MTOR: variants seen among roughly 807,000 people sequenced by gnomAD.
The protein encoded by MTOR is mechanistic target of rapamycin kinase.
MTOR carries 70 observed loss-of-function variants against 319.8 expected under a neutral mutation model. The observed-to-expected ratio is 0.22, with a 90% CI of 0.18 to 0.27. The LOEUF is 0.27. Among genes scored for constraint, MTOR ranks in the 10% least tolerant of loss-of-function variants. The pLI, the probability that MTOR is intolerant of heterozygous loss-of-function variation, is 1.00. For synonymous variants in MTOR, 1,183 were observed against 1,211.4 expected, an observed-to-expected ratio of 0.98 and a Z score of 0.49; for missense variants, 1,890 against 3,274.4, an observed-to-expected ratio of 0.58 and a Z score of 10.32.
intron 29 of MTOR, among the ~76,000 whole-genome samples, chr1:11,163,145 G>T (rs1644532000): frequency 6.6e-6 from 1 of 152,134 alleles, no homozygotes; most frequent in Admixed American, 6.5e-5. Flanking sequence ...CCTAGTCTCT[G>T]ATAAAACAGA....
rs114219335 is a variant in MTOR at position 11,210,989 on chromosome 1, A to C, written c.3562-83T>G. 3.5e-3 allele frequency: 2,687 copies of C among 769,632 alleles called. 71 individuals carry two copies. The African/African-American group carries it at 0.041, about 12-fold the overall frequency. The allele number at this position is 769,632 out of a possible 1,614,324, so 47.7% of individuals were successfully genotyped here. ...AGAGGAAAAAATATTATACAACTAC[A>C]TTATGACCATTTCTTCTGGGTTTGT... On this transcript the variant is annotated intron_variant, in intron 23 of 57. Coordinates refer to ENST00000361445, the MANE Select transcript of MTOR (RefSeq NM_004958.4).
chr1:11,226,837 T>C (rs1465409787), intron 19 of MTOR, among the ~76,000 whole-genome samples: 1 of 152,112 alleles, frequency 6.6e-6, no homozygotes, highest in Non-Finnish European at 1.5e-5. Context: ...ACTTATTACT[T>C]TTCCTTACTG....
chr1:11,230,901 C>G (rs778329468), intron 18 of MTOR, 24 bp downstream of exon 18: 15 of 1,613,094 alleles, frequency 9.3e-6, no homozygotes, highest in Non-Finnish European at 1.3e-5. Context: ...CTTGGCAAGT[C>G]TTTCATGGCT....
At chr1:11,136,471 G>A (rs1336483424) in intron 36 of MTOR, among the ~76,000 whole-genome samples, 4 of 152,088 alleles carry the variant, frequency 2.6e-5, no homozygotes, top group African/African-American at 9.7e-5. Flanking sequence ...AGTGATAAAT[G>A]TTCCTTTAAT....
At chr1:11,107,527 T>C in intron 57 of MTOR, 27 bp from the exon 58 acceptor site, 1 of 1,610,680 alleles carries the variant, frequency 6.2e-7, no homozygotes, top group Non-Finnish European at 8.5e-7. Context: ...AAAAGGAATA[T>C]TTTAATAATT....
chr1:11,155,353 G>A (rs1644284904), intron 30 of MTOR, among the ~76,000 whole-genome samples: 2 of 151,994 alleles, frequency 1.3e-5, no homozygotes, highest in Admixed American at 1.3e-4. Flanking sequence ...ATGGGGGTCA[G>A]GATATACTAC....
rs72871466 is a variant in MTOR, at chr1:11,157,608, C to T, written c.4330-317G>A. Among the ~76,000 whole-genome samples, 14,717 of 152,066 alleles carry T rather than the reference C, an allele frequency of 0.097. 1,201 individuals are homozygous for T. Among genetic ancestry groups the T allele is most frequent in the African/African-American group, 0.2 (8,355 of 41,432 alleles). The stretch of plus-strand genomic sequence containing the variant: ...CAGAACACACCAGGATGTGCGGACA[C>T]GAGGACAGGGGAAATCATTTAGGGA... On this transcript the variant is annotated intron_variant, in intron 29 of 57. Coordinates refer to ENST00000361445, the MANE Select transcript of MTOR (RefSeq NM_004958.4).
rs1402584500 is a variant in MTOR at position 11,150,181 on chromosome 1, A to G, written c.4515T>C (p.Asn1505=). 6.2e-6 allele frequency: 10 copies of G among 1,614,104 alleles called. No homozygotes were observed. Among genetic ancestry groups the G allele is most frequent in the Non-Finnish European group, 7.6e-6 (9 of 1,180,006 alleles). ...GGGCCATCTTGGCTTGGGTCTCATC[A>G]TTAACCAGGGTCCACTTTTCACAGC... ...QQCCEKWTLV[N]DETQAKMARM... is the part of the protein sequence containing the mutation. The change falls in exon 31 of 58, where the codon AAT becomes AAC. Residue 1505 remains asparagine, a synonymous_variant. Coordinates refer to ENST00000361445, the MANE Select transcript of MTOR (RefSeq NM_004958.4).
chr1:11,206,976 T>G (rs6683465), intron 25 of MTOR, among the ~76,000 whole-genome samples: 1,685 of 152,362 alleles, frequency 0.011, 34 homozygotes, highest in African/African-American at 0.038. Context: ...AAATGGTGAC[T>G]GAGGTGGCAA....
At chr1:11,243,064 C>T in intron 9 of MTOR, 50 bp downstream of exon 9, 1 of 1,603,022 alleles carries the variant, frequency 6.2e-7, no homozygotes, top group Non-Finnish European at 8.5e-7. Flanking sequence ...GAGCGTCCTT[C>T]CTCTCCAACC....
In MTOR at chr1:11,247,804, C is replaced by T. The variant is rs2100939552; in HGVS notation, c.1116+15G>A. Reference sequence around the variant, plus strand: ...GGAGCTTAGGAAAAGAGGGAAAGGGCCTCTCACCACTTACCTGATCAAATT... The same window carrying T: ...GGAGCTTAGGAAAAGAGGGAAAGGGTCTCTCACCACTTACCTGATCAAATT... On this transcript the variant is annotated intron_variant, in intron 7 of 57. Coordinates refer to ENST00000361445, the MANE Select transcript of MTOR (RefSeq NM_004958.4). 1 of 1,611,834 alleles carries T rather than the reference C, an allele frequency of 6.2e-7. No homozygotes were observed. The highest frequency in any genetic ancestry group is 8.5e-7 in the Non-Finnish European group (1 of 1,178,138).
chr1:11,129,029 TGAGAA>T lies in MTOR; in HGVS notation c.5715-83_5715-79del, dbSNP rs1303466620. On this transcript the variant is annotated intron_variant, in intron 40 of 57. Transcript: ENST00000361445. The surrounding 1 kb of genome is among the most constrained non-coding windows in gnomAD (Gnocchi z 4.7). ...GCCTGTTTTTCATCTCTAAGGCTCC[TGAGAA>T]GAGAGCTGGCAGGGACTCCAACCAG... 1.6e-6 allele frequency: 2 copies of T among 1,218,988 alleles called. No homozygotes were observed. The highest frequency in any genetic ancestry group is 1.5e-5 in the African/African-American group (1 of 66,880). The allele number at this position is 1,218,988 out of a possible 1,614,324, so 75.5% of individuals were successfully genotyped here.
At chr1:11,198,012 T>A (rs1327511562) in intron 28 of MTOR, among the ~76,000 whole-genome samples, 1 of 152,198 alleles carries the variant, frequency 6.6e-6, no homozygotes, top group Non-Finnish European at 1.5e-5. Context: ...TATGATTGTA[T>A]CAAATATGCG....
rs764740318 is a variant in MTOR at position 11,238,095 on chromosome 1, C to A, written c.2003-47G>T. ...TGAACATTTCCTCATGATCCCATCA[C>A]TCCAGCCCTTCCCAGCTTCTACCTC... On this transcript the variant is annotated intron_variant, in intron 12 of 57. Transcript: ENST00000361445. 3 of 1,583,140 alleles carry A rather than the reference C, an allele frequency of 1.9e-6. 1 individual carries two copies. In the South Asian group the frequency reaches 3.3e-5, roughly 18 times the overall value.
rs764242916 is a variant in MTOR at position 11,243,230 on chromosome 1, C to T, written c.1296G>A (p.Ala432=). 2.8e-5 allele frequency: 46 copies of T among 1,614,128 alleles called. No individual in the cohort carries two copies. The Admixed American group carries it at 5.5e-4, about 19-fold the overall frequency. Residue 432 remains alanine, a synonymous_variant, in exon 9 of 58, where the codon GCG becomes GCA. Coordinates refer to ENST00000361445, the MANE Select transcript of MTOR (RefSeq NM_004958.4). ...AAAGTAGCCCCAGGGCTTGGAAGGC[C>T]GCTGTACGTTCCTTCTCCTTCTTGA... ...SCVKKEKERT[A]AFQALGLLSV... is the part of the protein sequence containing the mutation.
chr1:11,177,509 A>C (rs1312739697), intron 28 of MTOR, among the ~76,000 whole-genome samples: 1 of 152,204 alleles, frequency 6.6e-6, no homozygotes, highest in African/African-American at 2.4e-5. Context: ...AGTGGGCTAC[A>C]ATCGCACCAC....
In MTOR at chr1:11,199,802, G is replaced by C; in HGVS notation, c.3945-99C>G. ...ATTCGCTTTTGGCATCACTGATTTT[G>C]GTTATACAAACCAGTGCTATACAGA... On this transcript the variant is annotated intron_variant, in intron 26 of 57. Coordinates refer to ENST00000361445, the MANE Select transcript of MTOR (RefSeq NM_004958.4). The surrounding 1 kb of genome is among the most constrained non-coding windows in gnomAD (Gnocchi z 4.5). 1 of 1,336,200 alleles carries C rather than the reference G, an allele frequency of 7.5e-7. No homozygotes were observed. The highest frequency in any genetic ancestry group is 1.0e-6 in the Non-Finnish European group (1 of 967,968). 82.8% of individuals were successfully genotyped at this position (1,336,200 alleles called of 1,614,324 possible).
intron 10 of MTOR, 123 bp from the exon 11 acceptor site, chr1:11,240,670 A>G: frequency 8.1e-7 from 1 of 1,236,334 alleles, no homozygotes; most frequent in Non-Finnish European, 1.1e-6. Context: ...TAGAAAGGAT[A>G]TTATAAAATA....
intron 1 of MTOR, among the ~76,000 whole-genome samples, chr1:11,261,301 T>C (rs1569863575): frequency 7.1e-6 from 1 of 140,036 alleles, no homozygotes; most frequent in East Asian, 2.1e-4. Flanking sequence ...CCGCCTCTAC[T>C]AAAAATACAA....
Sources: gnomAD v4.1 joint callset for allele counts (sites outside exome capture counted in the v4.1 genomes callset) on GRCh38, gnomAD v4.1.1 for gene constraint, Gnocchi (gnomAD v3.1) non-coding constraint, MANE v1.5 for transcripts, NCBI Gene and HGNC (gene_info 2026-07-23, HGNC 2026-07-21) for gene names.